The following RELN variants were observed in gnomAD, a reference collection of about 807,000 sequenced individuals.
The protein encoded by RELN is reelin.
In RELN, 108 loss-of-function variants were observed where a neutral mutation model predicts 427.6. The observed-to-expected ratio is 0.25, with a 90% CI of 0.22 to 0.30. The LOEUF (loss-of-function observed/expected upper bound fraction) is 0.30, where lower values mean the gene tolerates loss of function less well. Ranked by LOEUF, RELN falls within the 10% of genes least tolerant of loss-of-function variation. The pLI is 1.00. For missense variants in RELN, 3,715 were observed against 4,302.8 expected, an observed-to-expected ratio of 0.86 and a Z score of 3.82; for synonymous variants, 1,524 against 1,513.4, an observed-to-expected ratio of 1.01 and a Z score of -0.16.
chr7:103,945,139 T>A (rs1796193833), intron 1 of RELN, among the ~76,000 whole-genome samples: 1 of 152,134 alleles, frequency 6.6e-6, no homozygotes, highest in African/African-American at 2.4e-5. Context: ...AGTCTCTGAA[T>A]TACATGGCAA....
intron 4 of RELN, among the ~76,000 whole-genome samples, chr7:103,764,227 C>T (rs1034189622): frequency 2.6e-5 from 4 of 152,242 alleles, no homozygotes; most frequent in South Asian, 2.1e-4. Context: ...CACTTCATCA[C>T]GACATTTAAT....
chr7:103,837,123 T>G (rs2116419861), intron 2 of RELN, among the ~76,000 whole-genome samples: 1 of 152,304 alleles, frequency 6.6e-6, no homozygotes, highest in Middle Eastern at 3.4e-3. Flanking sequence ...AGGATTCGAC[T>G]TTTTTCCCTA....
At chr7:103,976,645 C>A (rs1429388367) in intron 1 of RELN, among the ~76,000 whole-genome samples, 3 of 152,190 alleles carry the variant, frequency 2.0e-5, no homozygotes, top group Non-Finnish European at 4.4e-5. Context: ...AAACAAGAAG[C>A]TCCAGTAGCC....
At chr7:103,811,758 A>G (rs1428457085) in intron 3 of RELN, among the ~76,000 whole-genome samples, 1 of 152,240 alleles carries the variant, frequency 6.6e-6, no homozygotes. Flanking sequence ...ATTGAGCAGA[A>G]TTAATTCCTT....
intron 1 of RELN, among the ~76,000 whole-genome samples, chr7:103,946,217 C>G (rs1025799978): frequency 6.6e-6 from 1 of 152,134 alleles, no homozygotes. Context: ...GTAAAGTTAT[C>G]CTAAGGTACT....
At chr7:103,813,120 G>A (rs1563028176) in intron 3 of RELN, among the ~76,000 whole-genome samples, 1 of 152,094 alleles carries the variant, frequency 6.6e-6, no homozygotes, top group Non-Finnish European at 1.5e-5. Flanking sequence ...TGTTAATGTA[G>A]ATACTACGTT....
chr7:103,736,132 C>A lies in RELN; in HGVS notation c.657-7925G>T, dbSNP rs536138152. Among the ~76,000 whole-genome samples the A allele has an allele frequency of 2.4e-3, 362 of 152,278 alleles. 1 individual carries two copies. Among genetic ancestry groups the A allele is most frequent in the Admixed American group, 4.1e-3 (63 of 15,296 alleles). On this transcript the variant is annotated intron_variant, in intron 6 of 64. Coordinates refer to ENST00000428762, the MANE Select transcript of RELN (RefSeq NM_005045.4). ...ATTCATCAAAGTAAATCAGACCTTG[C>A]CGGCCATTTGGTAGCTGGGCTGTCA...
chr7:103,838,844 A>G (rs940568673), intron 2 of RELN, among the ~76,000 whole-genome samples: 5 of 152,250 alleles, frequency 3.3e-5, no homozygotes, highest in African/African-American at 7.2e-5. Flanking sequence ...ACAATTTTAT[A>G]AGTTGCTACC....
At chr7:103,804,175 T>C (rs1792539026) in intron 3 of RELN, among the ~76,000 whole-genome samples, 1 of 152,122 alleles carries the variant, frequency 6.6e-6, no homozygotes, top group Non-Finnish European at 1.5e-5. Context: ...CTTGCATTTG[T>C]TTATGGAAAA....
intron 2 of RELN, among the ~76,000 whole-genome samples, chr7:103,869,897 A>G (rs1286809040): frequency 6.6e-6 from 1 of 152,054 alleles, no homozygotes; most frequent in Non-Finnish European, 1.5e-5. Flanking sequence ...ACCATTTCAT[A>G]TTTTCCCACA....
chr7:103,949,662 C>T (rs1482262864), intron 1 of RELN, among the ~76,000 whole-genome samples: 1 of 151,924 alleles, frequency 6.6e-6, no homozygotes, highest in Admixed American at 6.6e-5. Flanking sequence ...TTTATTACAG[C>T]AGCAGGAACT....
At chr7:103,656,565 G>C (rs972680988) in intron 12 of RELN, among the ~76,000 whole-genome samples, 2 of 152,024 alleles carry the variant, frequency 1.3e-5, no homozygotes, top group Non-Finnish European at 2.9e-5. Context: ...TGGTCTGAAA[G>C]GTTTTACAGG....
At chr7:103,758,208 T>C (rs1217372352) in intron 4 of RELN, among the ~76,000 whole-genome samples, 2 of 152,208 alleles carry the variant, frequency 1.3e-5, no homozygotes, top group African/African-American at 2.4e-5. Context: ...ACAGAAACTA[T>C]ATCCTTTGTA....
chr7:103,479,307 T>TA (rs1828146447), intron 63 of RELN, among the ~76,000 whole-genome samples: 1 of 152,214 alleles, frequency 6.6e-6, no homozygotes, highest in African/African-American at 2.4e-5. Context: ...AGTGTATTCA[T>TA]AAACATATAC....
At chr7:103,782,696 CTAGTTTACAAAGAAGGA>C (rs1184011427) in intron 3 of RELN, among the ~76,000 whole-genome samples, 329 of 152,204 alleles carry the variant, frequency 2.2e-3, no homozygotes, top group African/African-American at 7.7e-3. Flanking sequence ...GTATTGCCAT[CTAGTTTACAAAGAAGGA>C]ATACAAAAGT....
In RELN at chr7:103,652,410, T is replaced by C. The variant is rs994238226; in HGVS notation, c.1763+141A>G. The C allele has an allele frequency of 2.2e-5, 15 of 694,068 alleles. No homozygotes were observed. The African/African-American group carries it at 2.5e-4, about 12-fold the overall frequency. 43.0% of individuals were successfully genotyped at this position (694,068 alleles called of 1,614,324 possible). ...TCATATTAATTGAAGAACTTTTCATTTGGCAAAAGTGTGTTATTTCATCAA... is the reference window on the plus strand; with the variant it reads ...TCATATTAATTGAAGAACTTTTCATCTGGCAAAAGTGTGTTATTTCATCAA... On this transcript the variant is annotated intron_variant, in intron 14 of 64. Transcript: ENST00000428762.
intron 27 of RELN, among the ~76,000 whole-genome samples, chr7:103,591,623 T>C (rs1831417779): frequency 1.3e-5 from 2 of 152,174 alleles, no homozygotes; most frequent in African/African-American, 4.8e-5. Context: ...CATTATTCAA[T>C]AGTAACAGTG....
intron 3 of RELN, among the ~76,000 whole-genome samples, chr7:103,802,955 A>G (rs958828415): frequency 2.7e-4 from 41 of 152,052 alleles, no homozygotes; most frequent in Non-Finnish European, 2.9e-5. Context: ...TTTGTTTTAC[A>G]AAGTAATATA....
At chr7:103,788,429 T>G (rs1418546165) in intron 3 of RELN, among the ~76,000 whole-genome samples, 4 of 152,174 alleles carry the variant, frequency 2.6e-5, no homozygotes, top group African/African-American at 9.7e-5. Flanking sequence ...CGATTGTATA[T>G]TTAGAAAACC....
Sources: gnomAD v4.1 joint callset for allele counts (sites outside exome capture counted in the v4.1 genomes callset) on GRCh38, gnomAD v4.1.1 for gene constraint, MANE v1.5 for transcripts, NCBI Gene and HGNC (gene_info 2026-07-23, HGNC 2026-07-21) for gene names.